Variants in NOS1AP observed in about 807,000 individuals in gnomAD.
NOS1AP encodes carboxyl-terminal PDZ ligand of neuronal nitric oxide synthase protein.
A neutral mutation model predicts 56.2 loss-of-function variants in NOS1AP; 21 were observed. The observed-to-expected ratio is 0.37, with a 90% confidence interval of 0.26 to 0.54. NOS1AP has a LOEUF of 0.54. Ranked by LOEUF, NOS1AP falls within the 20% of genes least tolerant of loss-of-function variation. The probability of loss-of-function intolerance (pLI) is 0.84; values close to 1 mark genes in which losing one functional copy is unlikely to be tolerated. For missense variants in NOS1AP, 522 were observed against 657.8 expected, an observed-to-expected ratio of 0.79 and a Z score of 2.26; for synonymous variants, 270 against 274.6, an observed-to-expected ratio of 0.98 and a Z score of 0.17.
intron 2 of NOS1AP, among the ~76,000 whole-genome samples, chr1:162,246,635 G>A (rs1653674681): frequency 6.6e-6 from 1 of 152,164 alleles, no homozygotes; most frequent in African/African-American, 2.4e-5. Flanking sequence ...TACAGAAATA[G>A]TAATTCTGGC....
chr1:162,285,664 C>A lies in NOS1AP; in HGVS notation c.178-1680C>A, dbSNP rs572990893. ...TCTGTCTCCATCTCCCTCTCTGCCT[C>A]CCGTTTCCCCTTTACTCTTTACTGT... On this transcript the variant is annotated intron_variant, in intron 2 of 9. Transcript: ENST00000361897. Among the ~76,000 whole-genome samples, 3 of 152,262 alleles carry A rather than the reference C, an allele frequency of 2.0e-5. No individual in the cohort carries two copies. The South Asian group carries it at 6.2e-4, about 32-fold the overall frequency.
chr1:162,367,017 C>A lies in NOS1AP; in HGVS notation c.1106-35C>A, dbSNP rs759381151. On this transcript the variant is annotated intron_variant, in intron 9 of 9. Transcript: ENST00000361897. The surrounding 1 kb of genome is among the most constrained non-coding windows in gnomAD (Gnocchi z 6.5). ...ATCCCAAATCAACAACCTTGCCTAA[C>A]GCTGCCCCTCTGCTACCTCTTGTCT... The A allele has an allele frequency of 8.7e-6, 14 of 1,612,908 alleles. No individual in the cohort carries two copies. The highest frequency in any genetic ancestry group is 1.1e-5 in the Non-Finnish European group (13 of 1,179,554).
chr1:162,141,191 T>C (rs1000545578), intron 1 of NOS1AP, among the ~76,000 whole-genome samples: 2 of 152,266 alleles, frequency 1.3e-5, no homozygotes, highest in African/African-American at 4.8e-5. Flanking sequence ...TGGTCTCATT[T>C]AATCACACTG....
chr1:162,199,220 T>C (rs1651904314), intron 2 of NOS1AP, among the ~76,000 whole-genome samples: 2 of 152,148 alleles, frequency 1.3e-5, no homozygotes, highest in Admixed American at 6.5e-5. Flanking sequence ...AAGAGGAGAC[T>C]GGATGGAGGT....
chr1:162,100,725 G>C (rs1358485678), intron 1 of NOS1AP, among the ~76,000 whole-genome samples: 1 of 152,060 alleles, frequency 6.6e-6, no homozygotes, highest in Non-Finnish European at 1.5e-5. Flanking sequence ...ATGGCTGCAT[G>C]TATGTTTTCT....
intron 1 of NOS1AP, among the ~76,000 whole-genome samples, chr1:162,103,749 G>T (rs1647395638): frequency 6.6e-6 from 1 of 152,040 alleles, no homozygotes; most frequent in African/African-American, 2.4e-5. Context: ...CTAGGATTGT[G>T]ACCCTTATTT....
At chr1:162,321,719 TA>T (rs201941230) in intron 4 of NOS1AP, among the ~76,000 whole-genome samples, 3,637 of 137,812 alleles carry the variant, frequency 0.026, 62 homozygotes, top group East Asian at 0.053. Context: ...AAAGTATAAT[TA>T]AAAAAAAAAA....
chr1:162,348,856 C>G (rs1238461443), intron 6 of NOS1AP, among the ~76,000 whole-genome samples: 2 of 152,216 alleles, frequency 1.3e-5, no homozygotes, highest in African/African-American at 4.8e-5. Context: ...GCAGAATTCT[C>G]TCTTCCTCCA....
chr1:162,198,326 G>A (rs12725553), intron 2 of NOS1AP, among the ~76,000 whole-genome samples: 79,529 of 152,106 alleles, frequency 0.52, 21,368 homozygotes, highest in Non-Finnish European at 0.61. Flanking sequence ...CTTTCTGATC[G>A]TTGTGATGGT....
chr1:162,107,963 A>G (rs2225847), intron 1 of NOS1AP, among the ~76,000 whole-genome samples: 94,774 of 148,178 alleles, frequency 0.64, 29,891 homozygotes, highest in Non-Finnish European at 0.69. Flanking sequence ...GAACAATAAA[A>G]TTAGGAAAAA....
intron 9 of NOS1AP, 32 bp downstream of exon 9, chr1:162,365,601 T>C: frequency 6.2e-7 from 1 of 1,604,316 alleles, no homozygotes; most frequent in Non-Finnish European, 8.5e-7. Context: ...CCCTGCTTCC[T>C]CTGTGAAGGC....
intron 2 of NOS1AP, among the ~76,000 whole-genome samples, chr1:162,155,454 TATAG>T (rs914145546): frequency 6.8e-4 from 98 of 143,948 alleles, no homozygotes; most frequent in African/African-American, 2.4e-3. Context: ...TATATATATA[TATAG>T]AGAGAGAGAG....
At chr1:162,172,563 T>C (rs991749826) in intron 2 of NOS1AP, among the ~76,000 whole-genome samples, 2 of 152,212 alleles carry the variant, frequency 1.3e-5, no homozygotes, top group Non-Finnish European at 2.9e-5. Flanking sequence ...AGGAATAATC[T>C]TGATGAGGCG....
chr1:162,069,771 G>A lies in NOS1AP; in HGVS notation c.-407G>A, dbSNP rs1257465024. On this transcript the variant is annotated 5_prime_UTR_variant, in exon 1 of 10. Transcript: ENST00000361897. ...CTCCGCCGCCACCGCCACCGCCACC[G>A]CCACCGTCGCCTTTTCTTCTTCGTC... is the stretch of plus-strand genomic sequence containing the variant. The A allele has an allele frequency of 6.5e-6, 1 of 155,000 alleles. No homozygotes were observed. The highest frequency in any genetic ancestry group is 1.4e-5 in the Non-Finnish European group (1 of 70,166). 9.6% of individuals were successfully genotyped at this position (155,000 alleles called of 1,614,324 possible). A position where few individuals can be genotyped will look rare whatever the true frequency, so the allele number is the denominator to read the frequency against.
In NOS1AP at chr1:162,367,134, A is replaced by G; in HGVS notation, c.1188A>G (p.Pro396=). ...TCTGTGACCCCACGACCCCTAAGCCAGAGGACCTGCATTCGCCGCCGCTGG... is the reference window on the plus strand; with the variant it reads ...TCTGTGACCCCACGACCCCTAAGCCGGAGGACCTGCATTCGCCGCCGCTGG... The part of the protein sequence containing the change: ...PVLCDPTTPK[P]EDLHSPPLGA... Residue 396 remains proline, a synonymous_variant, in exon 10 of 10, where the codon CCA becomes CCG. Transcript: ENST00000361897. This position sits in a 1 kb window ranked among gnomAD's most constrained non-coding sequence, Gnocchi z 6.5. 1.2e-6 allele frequency: 2 copies of G among 1,613,820 alleles called. No individual in the cohort carries two copies. The highest frequency in any genetic ancestry group is 1.7e-6 in the Non-Finnish European group (2 of 1,179,958).
chr1:162,330,684 T>A (rs891462572), intron 4 of NOS1AP, among the ~76,000 whole-genome samples: 3 of 152,222 alleles, frequency 2.0e-5, no homozygotes, highest in Non-Finnish European at 4.4e-5. Context: ...ATGTAATTTG[T>A]CTTTTTTAAA....
chr1:162,260,969 C>A lies in NOS1AP; in HGVS notation c.178-26375C>A, dbSNP rs995971715. ...TGAAGAGATGATTTCCTCAAAGTTTCAAGCAATAATTATTTCATTAGAATT... is the reference window on the plus strand; with the variant it reads ...TGAAGAGATGATTTCCTCAAAGTTTAAAGCAATAATTATTTCATTAGAATT... On this transcript the variant is annotated intron_variant, in intron 2 of 9. Coordinates refer to ENST00000361897, the MANE Select transcript of NOS1AP (RefSeq NM_014697.3). Among the ~76,000 whole-genome samples, 4 of 96,800 alleles carry A rather than the reference C, an allele frequency of 4.1e-5. 1 individual carries two copies. Among genetic ancestry groups the A allele is most frequent in the African/African-American group, 1.7e-4 (4 of 23,776 alleles). The allele number at this position is 96,800 out of a possible 152,430, so 63.5% of individuals were successfully genotyped here.
At chr1:162,117,842 A>G (rs1648031831) in intron 1 of NOS1AP, among the ~76,000 whole-genome samples, 1 of 152,240 alleles carries the variant, frequency 6.6e-6, no homozygotes. Flanking sequence ...GTATGCACAC[A>G]TATGTGTTGG....
intron 2 of NOS1AP, among the ~76,000 whole-genome samples, chr1:162,245,389 T>C (rs371414168): frequency 2.0e-5 from 3 of 152,206 alleles, no homozygotes; most frequent in African/African-American, 7.2e-5. Flanking sequence ...CAAATGTTGA[T>C]GAAGATGTCA....
Sources: gnomAD v4.1 joint callset for allele counts (sites outside exome capture counted in the v4.1 genomes callset) on GRCh38, gnomAD v4.1.1 for gene constraint, Gnocchi (gnomAD v3.1) non-coding constraint, MANE v1.5 for transcripts, NCBI Gene and HGNC (gene_info 2026-07-23, HGNC 2026-07-21) for gene names.